The following UGT2A2 variants were observed in gnomAD, a reference collection of about 807,000 sequenced individuals.
The protein encoded by UGT2A2 is UDP glucuronosyltransferase family 2 member A2, also known as UDP-glucuronosyltransferase 2A2.
A neutral mutation model predicts 50.7 loss-of-function variants in UGT2A2; 60 were observed. The ratio of observed to expected loss-of-function variants is 1.18; its 90% confidence interval spans 0.96 to 1.47. The LOEUF (loss-of-function observed/expected upper bound fraction) is 1.47. UGT2A2 is among the 40% of genes most tolerant of loss of function. The pLI is 0.00. For synonymous variants in UGT2A2, 242 were observed against 214.6 expected, an observed-to-expected ratio of 1.13 and a Z score of -1.11; for missense variants, 762 against 634.0, an observed-to-expected ratio of 1.20 and a Z score of -2.17.
intron 1 of UGT2A2, among the ~76,000 whole-genome samples, chr4:69,616,160 A>G (rs1720367395): frequency 6.6e-6 from 1 of 151,958 alleles, no homozygotes; most frequent in Non-Finnish European, 1.5e-5. Flanking sequence ...TGTGGAAGCT[A>G]AAAACAATAA....
chr4:69,624,618 C>T (rs1012683331), intron 1 of UGT2A2, among the ~76,000 whole-genome samples: 1 of 150,340 alleles, frequency 6.7e-6, no homozygotes, highest in Non-Finnish European at 1.5e-5. Flanking sequence ...ATTAAATATT[C>T]TTTTTTTGCT....
chr4:69,596,271 G>A lies in UGT2A2; in HGVS notation c.1002C>T (p.Ala334=), dbSNP rs149416008. The A allele has an allele frequency of 2.0e-4, 321 of 1,603,980 alleles. No individual in the cohort carries two copies. In the African/African-American group the frequency reaches 3.9e-3, roughly 20 times the overall value. ...TGACCTTCTGTGGAATCTGGGCAAG[G>A]GCTGAGGCAATAAGATTGGCCTTTT... ...TEEKANLIAS[A]LAQIPQKVLW... is the part of the protein sequence containing the mutation. The change falls in exon 3 of 6, where the codon GCC becomes GCT. Residue 334 remains alanine (A), a synonymous_variant. Coordinates refer to ENST00000604629, the MANE Select transcript of UGT2A2 (RefSeq NM_001105677.2).
Position 69,639,158 on chromosome 4 carries a change from T to A in UGT2A2, c.483A>T (p.Val161=). ...GGFDVLVADP[V]TICGDLVALK... The stretch of plus-strand genomic sequence containing the variant: ...GAGCAACAAGATCACCACAGATTGT[T>A]ACTGGGTCTGCTACCAACACATCAA... The change falls in exon 1 of 6, where the codon GTA becomes GTT. Residue 161 remains valine (V), a synonymous_variant. Transcript: ENST00000604629. 6.2e-7 allele frequency: 1 copy of A among 1,613,704 alleles called. No individual in the cohort carries two copies. The highest frequency in any genetic ancestry group is 1.1e-5 in the South Asian group (1 of 91,044).
intron 1 of UGT2A2, among the ~76,000 whole-genome samples, chr4:69,615,639 A>G (rs1720334589): frequency 1.3e-5 from 2 of 152,054 alleles, no homozygotes; most frequent in South Asian, 4.1e-4. Flanking sequence ...CATCAAAGAA[A>G]TGCAAGTAAA....
At chr4:69,592,940 G>A (rs2109876483) in intron 5 of UGT2A2, among the ~76,000 whole-genome samples, 1 of 152,100 alleles carries the variant, frequency 6.6e-6, no homozygotes, top group Admixed American at 6.5e-5. Context: ...CTGAGTTTCT[G>A]AATTTTAAAA....
chr4:69,607,194 C>T (rs952535926), intron 1 of UGT2A2, among the ~76,000 whole-genome samples: 21 of 150,450 alleles, frequency 1.4e-4, no homozygotes, highest in Admixed American at 1.3e-3. Flanking sequence ...GTAACCAAAA[C>T]AGCATGGTAC....
intron 1 of UGT2A2, among the ~76,000 whole-genome samples, chr4:69,628,757 A>G (rs547471960): frequency 6.7e-6 from 1 of 149,038 alleles, no homozygotes; most frequent in Non-Finnish European, 1.5e-5. Flanking sequence ...TTAATACTAA[A>G]TGTAAAGTTT....
At position 69,626,573 on chromosome 4, in the gene UGT2A2, C is replaced by A. The variant is rs181910742; in HGVS notation, c.742+12326G>T. ...TGATGGGATTATTCATCCATCAAGC[C>A]TTAGTGACACGCAGTATACTCAGAT... On this transcript the variant is annotated intron_variant, in intron 1 of 5. Transcript: ENST00000604629. Among the ~76,000 whole-genome samples the A allele has an allele frequency of 2.6e-5, 4 of 151,522 alleles. No homozygotes were observed. In the East Asian group the frequency reaches 5.8e-4, roughly 22 times the overall value.
intron 1 of UGT2A2, among the ~76,000 whole-genome samples, chr4:69,614,461 A>T (rs557980074): frequency 4.0e-4 from 61 of 151,578 alleles, no homozygotes; most frequent in African/African-American, 9.4e-4. Context: ...CAAATTAAAA[A>T]ATATATATAT....
chr4:69,596,281 A>T lies in UGT2A2; in HGVS notation c.992T>A (p.Ile331Asn). 1.9e-6 allele frequency: 3 copies of T among 1,606,824 alleles called. No individual in the cohort carries two copies. The highest frequency in any genetic ancestry group is 2.6e-6 in the Non-Finnish European group (3 of 1,175,738). Residue 331 changes from isoleucine to asparagine, a missense_variant, in exon 3 of 6, where the codon ATT becomes AAT. Ile to Asn is a moderately radical substitution (Grantham distance 149). Transcript: ENST00000604629. ...KNLTEEKANLIASALAQIPQK... is the reference protein window; with the variant it reads ...KNLTEEKANLNASALAQIPQK... ...TGGAATCTGGGCAAGGGCTGAGGCA[A>T]TAAGATTGGCCTTTTCTTCTGTAAG...
chr4:69,630,021 A>G (rs116563617), intron 1 of UGT2A2, among the ~76,000 whole-genome samples: 2,505 of 152,220 alleles, frequency 0.016, 75 homozygotes, highest in African/African-American at 0.058. Context: ...CCACATGAAA[A>G]ATAATTTACT....
intron 3 of UGT2A2, 69 bp from the exon 4 acceptor site, chr4:69,595,318 T>G (rs1054506284): frequency 1.3e-6 from 2 of 1,563,378 alleles, no homozygotes; most frequent in Non-Finnish European, 1.8e-6. Flanking sequence ...GGGAGAATTA[T>G]TTAGAAATCA....
At chr4:69,631,451 T>C (rs1486304351) in intron 1 of UGT2A2, among the ~76,000 whole-genome samples, 3 of 152,124 alleles carry the variant, frequency 2.0e-5, no homozygotes, top group Non-Finnish European at 4.4e-5. Flanking sequence ...AAAACTAAAC[T>C]GAAGATTATA....
intron 3 of UGT2A2, 73 bp from the exon 4 acceptor site, chr4:69,595,322 G>T (rs574672975): frequency 1.5e-5 from 24 of 1,553,136 alleles, no homozygotes; most frequent in Non-Finnish European, 2.0e-5. Context: ...GAATTATTTA[G>T]AAATCATTTA....
chr4:69,636,171 A>G (rs565765938), intron 1 of UGT2A2, among the ~76,000 whole-genome samples: 1 of 152,222 alleles, frequency 6.6e-6, no homozygotes, highest in African/African-American at 2.4e-5. Context: ...TTAACATATC[A>G]TTTCTCAAGT....
chr4:69,618,005 A>G (rs1222260633), intron 1 of UGT2A2, among the ~76,000 whole-genome samples: 1 of 152,014 alleles, frequency 6.6e-6, no homozygotes, highest in Non-Finnish European at 1.5e-5. Flanking sequence ...GGATTTAATG[A>G]GAGAAAATTT....
intron 1 of UGT2A2, among the ~76,000 whole-genome samples, chr4:69,605,824 A>G (rs1719574216): frequency 7.3e-6 from 1 of 137,502 alleles, no homozygotes; most frequent in Admixed American, 7.1e-5. Context: ...AAAATCTAAA[A>G]GAAATGAATA....
Position 69,596,404 on chromosome 4 carries a change from AT to A in UGT2A2, c.892-24del, listed in dbSNP as rs757976402. ...TTCCTGCATACATAATATATTTTCT[AT>A]TACAAAGGTGTAGCATCATAAGAAA... On this transcript the variant is annotated intron_variant, in intron 2 of 5. Coordinates refer to ENST00000604629, the MANE Select transcript of UGT2A2 (RefSeq NM_001105677.2). 4 of 1,536,216 alleles carry A rather than the reference AT, an allele frequency of 2.6e-6. No homozygotes were observed. The South Asian group carries it at 5.1e-5, about 19-fold the overall frequency.
At chr4:69,626,312 A>G (rs1265149357) in intron 1 of UGT2A2, among the ~76,000 whole-genome samples, 2 of 151,422 alleles carry the variant, frequency 1.3e-5, no homozygotes, top group Non-Finnish European at 3.0e-5. Context: ...ACACATCTAA[A>G]GACTCTATTT....
Sources: allele counts gnomAD v4.1 joint callset (sites outside exome capture counted in the v4.1 genomes callset), GRCh38; gene constraint gnomAD v4.1.1; transcripts MANE v1.5; gene names NCBI Gene and HGNC (gene_info 2026-07-23, HGNC 2026-07-21).